CATSPERB: variants seen among roughly 807,000 people sequenced by gnomAD.
CATSPERB encodes the protein catsper channel auxiliary subunit beta.
In CATSPERB, 93 loss-of-function variants were observed where a neutral mutation model predicts 128.3. The ratio of observed to expected loss-of-function variants is 0.72; its 90% CI spans 0.61 to 0.86. The LOEUF is 0.86. Among genes scored for constraint, CATSPERB ranks in the 40% least tolerant of loss-of-function variants. The probability of loss-of-function intolerance (pLI) is 0.00; values close to 1 mark genes in which losing one functional copy is unlikely to be tolerated. For missense variants in CATSPERB, 1,153 were observed against 1,329.5 expected (o/e 0.87, Z 2.06); for synonymous variants, 381 against 448.8 (o/e 0.85, Z 1.91).
intron 17 of CATSPERB, among the ~76,000 whole-genome samples, chr14:91,626,779 G>T (rs1166782720): frequency 6.6e-6 from 1 of 152,106 alleles, no homozygotes; most frequent in African/African-American, 2.4e-5. Flanking sequence ...CCCAGTCTGT[G>T]ATATTCTATT....
At chr14:91,707,968 T>A (rs921875222) in intron 6 of CATSPERB, among the ~76,000 whole-genome samples, 173 bp downstream of exon 6, 16 of 152,110 alleles carry the variant, frequency 1.1e-4, no homozygotes, top group African/African-American at 3.9e-4. Context: ...TCCACATGTA[T>A]TTAATTCTTT....
intron 14 of CATSPERB, among the ~76,000 whole-genome samples, chr14:91,666,138 G>A (rs1198397676): frequency 1.3e-5 from 2 of 152,206 alleles, no homozygotes; most frequent in African/African-American, 4.8e-5. Flanking sequence ...AAGGGTACAA[G>A]GCATCTAGGT....
chr14:91,701,682 G>C (rs539547174), intron 7 of CATSPERB, among the ~76,000 whole-genome samples: 1 of 152,092 alleles, frequency 6.6e-6, no homozygotes, highest in African/African-American at 2.4e-5. Context: ...AGTACATGGG[G>C]CTGCTGCATA....
At chr14:91,680,841 A>G (rs934096757) in intron 11 of CATSPERB, among the ~76,000 whole-genome samples, 7 of 152,174 alleles carry the variant, frequency 4.6e-5, no homozygotes, top group Non-Finnish European at 7.4e-5. Context: ...AGGGAACCCC[A>G]AGAAAAACCC....
intron 12 of CATSPERB, 91 bp downstream of exon 12, chr14:91,674,085 T>C (rs781363055): frequency 4.0e-6 from 3 of 742,588 alleles, no homozygotes; most frequent in African/African-American, 1.8e-5. Context: ...TTTCAGTCTG[T>C]AGAATTGCCA....
chr14:91,688,699 TTCTA>T (rs1441015117), intron 10 of CATSPERB, among the ~76,000 whole-genome samples: 4 of 152,112 alleles, frequency 2.6e-5, no homozygotes, highest in Non-Finnish European at 5.9e-5. Context: ...ACAGTGGCCA[TTCTA>T]TCTTTCAATT....
intron 13 of CATSPERB, among the ~76,000 whole-genome samples, chr14:91,672,237 G>A (rs1161571128): frequency 6.6e-6 from 1 of 152,132 alleles, no homozygotes; most frequent in Non-Finnish European, 1.5e-5. Flanking sequence ...CAATCTTGAC[G>A]ATAGGGGCCG....
chr14:91,588,189 T>C (rs1234484958), intron 24 of CATSPERB, 111 bp from the exon 25 acceptor site: 12 of 663,728 alleles, frequency 1.8e-5, no homozygotes, highest in Non-Finnish European at 2.8e-5. Flanking sequence ...CTATTACTAT[T>C]TCATTTGCAA....
At chr14:91,704,504 C>T (rs768250798) in intron 7 of CATSPERB, 48 bp downstream of exon 7, 1 of 1,547,540 alleles carries the variant, frequency 6.5e-7, no homozygotes, top group Non-Finnish European at 8.7e-7. Context: ...ATTACTGTTA[C>T]AAAATATAAA....
intron 14 of CATSPERB, among the ~76,000 whole-genome samples, chr14:91,661,894 C>T (rs1894894600): frequency 6.6e-6 from 1 of 152,106 alleles, no homozygotes; most frequent in Admixed American, 6.6e-5. Context: ...ACAGTCCCAC[C>T]AGTAGTGTAT....
At position 91,693,472 on chromosome 14, in the gene CATSPERB, G is replaced by A. The variant is rs982600978; in HGVS notation, c.624C>T (p.Tyr208=). Residue 208 remains tyrosine, a synonymous_variant, in exon 8 of 27, where the codon TAC becomes TAT. Coordinates refer to ENST00000256343, the MANE Select transcript of CATSPERB (RefSeq NM_024764.4). ...AGAATCCACCAAAGGTTATGCCTAT[G>A]TAAACACCTACCATGAAACAAAAGG... is the stretch of plus-strand genomic sequence containing the variant. ...FIVDTIVDGV[Y]IGITFGGFWH... is the part of the protein sequence containing the mutation. 13 of 1,612,760 alleles carry A rather than the reference G, an allele frequency of 8.1e-6. No homozygotes were observed. In the African/African-American group the frequency reaches 1.5e-4, roughly 18 times the overall value.
chr14:91,670,596 G>A (rs530723242), intron 13 of CATSPERB, among the ~76,000 whole-genome samples: 35 of 152,048 alleles, frequency 2.3e-4, no homozygotes, highest in African/African-American at 8.0e-4. Context: ...GCAGAGGATC[G>A]CTTGAGCCAG....
intron 9 of CATSPERB, 81 bp downstream of exon 9, chr14:91,693,044 CA>C: frequency 2.0e-6 from 2 of 978,472 alleles, no homozygotes; most frequent in South Asian, 3.0e-5. Context: ...ATACACCACA[CA>C]TAACTCAAGT....
chr14:91,616,732 C>CT (rs1316182151), intron 20 of CATSPERB, among the ~76,000 whole-genome samples: 1 of 129,224 alleles, frequency 7.7e-6, no homozygotes, highest in Non-Finnish European at 1.7e-5. Context: ...AAAGTATTCC[C>CT]CTTTTTTTTT....
chr14:91,609,477 A>T (rs1459676467), intron 21 of CATSPERB, among the ~76,000 whole-genome samples: 2 of 152,234 alleles, frequency 1.3e-5, no homozygotes, highest in Non-Finnish European at 2.9e-5. Flanking sequence ...AAATTATTAC[A>T]GTAGTACAGT....
chr14:91,671,803 G>A (rs571118345), intron 13 of CATSPERB, among the ~76,000 whole-genome samples: 118 of 151,938 alleles, frequency 7.8e-4, no homozygotes, highest in Admixed American at 7.1e-3. Context: ...AGGCCGAGGC[G>A]GGCAGATCAC....
At chr14:91,614,661 C>T (rs901938447) in intron 20 of CATSPERB, among the ~76,000 whole-genome samples, 30 of 147,174 alleles carry the variant, frequency 2.0e-4, no homozygotes, top group African/African-American at 7.6e-4. Context: ...ATTAGCCAGG[C>T]GTGGTGGGCC....
chr14:91,665,340 C>A (rs189947210), intron 14 of CATSPERB, among the ~76,000 whole-genome samples: 3 of 152,130 alleles, frequency 2.0e-5, no homozygotes, highest in Non-Finnish European at 4.4e-5. Flanking sequence ...AATGAAGCAA[C>A]CACTTTTTCA....
chr14:91,615,256 G>A (rs895116220), intron 20 of CATSPERB, among the ~76,000 whole-genome samples: 7 of 152,218 alleles, frequency 4.6e-5, no homozygotes, highest in East Asian at 1.9e-4. Context: ...ATAGGAACTC[G>A]ACCCCTATTG....
Sources: allele counts gnomAD v4.1 joint callset (sites outside exome capture counted in the v4.1 genomes callset), GRCh38; gene constraint gnomAD v4.1.1; transcripts MANE v1.5; gene names NCBI Gene and HGNC (gene_info 2026-07-23, HGNC 2026-07-21).